Variants in PTPRM observed in about 807,000 individuals in gnomAD.
PTPRM encodes protein tyrosine phosphatase receptor type M, also known as receptor-type tyrosine-protein phosphatase mu.
In PTPRM, 47 loss-of-function variants were observed where a neutral mutation model predicts 186.7. The observed-to-expected ratio is 0.25, with a 90% CI of 0.20 to 0.32. The LOEUF is 0.32. Ranked by LOEUF, PTPRM falls within the 10% of genes least tolerant of loss-of-function variation. PTPRM has a pLI of 1.00. For missense variants in PTPRM, 1,494 were observed against 1,865.0 expected (o/e 0.80, Z 3.66); for synonymous variants, 668 against 674.9 (o/e 0.99, Z 0.16).
At chr18:7,983,165 C>G (rs2082649132) in intron 7 of PTPRM, among the ~76,000 whole-genome samples, 1 of 152,110 alleles carries the variant, frequency 6.6e-6, no homozygotes, top group African/African-American at 2.4e-5. Flanking sequence ...AGGAAGTGAG[C>G]CAGAGGCGGG....
In PTPRM at chr18:8,244,053, C is replaced by T; in HGVS notation, c.2301-5C>T. ...TGCCTACATAATTGAATTCTTTATC[C>T]TAAGGAAACTGGCCAAGAAGCGGAA... On this transcript the variant is annotated splice_polypyrimidine_tract_variant and splice_region_variant and intron_variant, in intron 14 of 32. Coordinates refer to ENST00000580170, the MANE Select transcript of PTPRM (RefSeq NM_001105244.2). 2.5e-6 allele frequency: 4 copies of T among 1,606,658 alleles called. No individual in the cohort carries two copies. Among genetic ancestry groups the T allele is most frequent in the Non-Finnish European group, 3.4e-6 (4 of 1,177,572 alleles).
intron 4 of PTPRM, among the ~76,000 whole-genome samples, chr18:7,908,113 T>C (rs2050086883): frequency 6.6e-6 from 1 of 152,166 alleles, no homozygotes; most frequent in Non-Finnish European, 1.5e-5. Context: ...TGCTGGGATG[T>C]AGTGCAGAGA....
Position 8,394,619 on chromosome 18 carries a change from A to G in PTPRM, c.4344+8A>G. The G allele has an allele frequency of 6.2e-7, 1 of 1,606,482 alleles. No individual in the cohort carries two copies. Among genetic ancestry groups the G allele is most frequent in the Non-Finnish European group, 8.5e-7 (1 of 1,176,078 alleles). On this transcript the variant is annotated splice_region_variant and intron_variant, in intron 32 of 32. Coordinates refer to ENST00000580170, the MANE Select transcript of PTPRM (RefSeq NM_001105244.2). ...AACATGGTCGACCTCCTGGTAGGAC[A>G]CCCCCTCTGAGCTGTTCCATGAGAC...
Position 7,985,376 on chromosome 18 carries a change from T to C in PTPRM, c.1132+29962T>C, listed in dbSNP as rs529576967. Among the ~76,000 whole-genome samples, 33 of 117,998 alleles carry C rather than the reference T, an allele frequency of 2.8e-4. 1 individual carries two copies. The highest frequency in any genetic ancestry group is 2.0e-3 in the East Asian group (9 of 4,548). The allele number at this position is 117,998 out of a possible 152,430, so 77.4% of individuals were successfully genotyped here. On this transcript the variant is annotated intron_variant, in intron 7 of 32. Transcript: ENST00000580170. ...ATATACATATACTGGTATATACGTA[T>C]ATAAATATATACATATACTGGTATA...
intron 15 of PTPRM, among the ~76,000 whole-genome samples, chr18:8,247,384 G>A (rs1166841583): frequency 1.3e-5 from 2 of 152,130 alleles, no homozygotes; most frequent in Admixed American, 6.5e-5. Context: ...AAAGCATTGT[G>A]GAGTATTCTC....
chr18:8,249,922 C>A (rs2094511890), intron 17 of PTPRM, among the ~76,000 whole-genome samples: 1 of 152,090 alleles, frequency 6.6e-6, no homozygotes, highest in Non-Finnish European at 1.5e-5. Flanking sequence ...TACTTGGGAA[C>A]TGCATTCCTT....
intron 2 of PTPRM, among the ~76,000 whole-genome samples, chr18:7,835,845 T>TTTTTGTTTTGTTTTGTTTTG (rs201053851): frequency 6.6e-6 from 1 of 151,662 alleles, no homozygotes; most frequent in Non-Finnish European, 1.5e-5. Flanking sequence ...CTTAAAGTTT[T>TTTTTGTTTTGTTTTGTTTTG]TTTTGTTTTG....
At chr18:8,352,872 A>G (rs1174169214) in intron 23 of PTPRM, among the ~76,000 whole-genome samples, 1 of 152,060 alleles carries the variant, frequency 6.6e-6, no homozygotes, top group Non-Finnish European at 1.5e-5. Context: ...GGGTTTCACC[A>G]TCTTGGCCAG....
chr18:8,238,109 A>G (rs1472162397), intron 14 of PTPRM, among the ~76,000 whole-genome samples: 1 of 152,196 alleles, frequency 6.6e-6, no homozygotes, highest in Non-Finnish European at 1.5e-5. Context: ...AATAACTGGA[A>G]AAATCCAAAA....
At chr18:8,220,799 A>G (rs574461048) in intron 14 of PTPRM, among the ~76,000 whole-genome samples, 1 of 152,298 alleles carries the variant, frequency 6.6e-6, no homozygotes, top group South Asian at 2.1e-4. Flanking sequence ...ATTGAATTAC[A>G]TTGAATCGAT....
At chr18:8,282,716 A>G (rs2094917044) in intron 19 of PTPRM, among the ~76,000 whole-genome samples, 1 of 152,194 alleles carries the variant, frequency 6.6e-6, no homozygotes, top group African/African-American at 2.4e-5. Context: ...TGACCCAGCA[A>G]TAGCACTGCT....
At chr18:8,307,650 A>G (rs2095235714) in intron 20 of PTPRM, among the ~76,000 whole-genome samples, 1 of 152,064 alleles carries the variant, frequency 6.6e-6, no homozygotes, top group Admixed American at 6.6e-5. Context: ...CTGAAAATAC[A>G]GAAATTAGCT....
At chr18:8,077,538 G>A (rs2089892480) in intron 9 of PTPRM, among the ~76,000 whole-genome samples, 1 of 152,126 alleles carries the variant, frequency 6.6e-6, no homozygotes, top group Non-Finnish European at 1.5e-5. Context: ...GCTGTTCATT[G>A]GCTGCTTCAT....
chr18:7,655,466 T>C (rs1231377399), intron 1 of PTPRM, among the ~76,000 whole-genome samples: 1 of 152,192 alleles, frequency 6.6e-6, no homozygotes, highest in Non-Finnish European at 1.5e-5. Context: ...GAATGCAAAA[T>C]AGAACAGCTG....
chr18:8,293,911 C>T (rs1384950794), intron 19 of PTPRM, among the ~76,000 whole-genome samples: 1 of 152,100 alleles, frequency 6.6e-6, no homozygotes, highest in African/African-American at 2.4e-5. Context: ...TGCCCTGTAT[C>T]ATACAGGGTT....
intron 2 of PTPRM, among the ~76,000 whole-genome samples, chr18:7,854,818 A>T (rs920618212): frequency 2.8e-4 from 42 of 150,442 alleles, no homozygotes; most frequent in African/African-American, 1.0e-3. Flanking sequence ...ATGCATTGTT[A>T]TATAAAGGGT....
At chr18:7,582,033 C>A (rs1428005254) in intron 1 of PTPRM, among the ~76,000 whole-genome samples, 1 of 152,094 alleles carries the variant, frequency 6.6e-6, no homozygotes, top group African/African-American at 2.4e-5. Flanking sequence ...GTGTACAAAT[C>A]TTTTGGTTAA....
At chr18:7,861,304 T>G (rs1027631098) in intron 2 of PTPRM, among the ~76,000 whole-genome samples, 41 of 152,338 alleles carry the variant, frequency 2.7e-4, no homozygotes, top group African/African-American at 9.4e-4. Context: ...CTTTTAAGTT[T>G]CTGCTTATAA....
At position 8,110,923 on chromosome 18, in the gene PTPRM, A is replaced by C. The variant is rs2091725595; in HGVS notation, c.1857-2563A>C. On this transcript the variant is annotated intron_variant, in intron 11 of 32. Coordinates refer to ENST00000580170, the MANE Select transcript of PTPRM (RefSeq NM_001105244.2). ...TGGTTGTGTCTACAGGAGCAAGTGA[A>C]AATTCCCTTCAGGCCAGATGGTTTC... Among the ~76,000 whole-genome samples the C allele has an allele frequency of 2.6e-5, 4 of 152,314 alleles. No homozygotes were observed. The South Asian group carries it at 8.3e-4, about 32-fold the overall frequency.
Sources: allele counts gnomAD v4.1 joint callset (sites outside exome capture counted in the v4.1 genomes callset), GRCh38; gene constraint gnomAD v4.1.1; transcripts MANE v1.5; gene names NCBI Gene and HGNC (gene_info 2026-07-23, HGNC 2026-07-21).